Variants in SHANK2 observed in about 807,000 individuals in gnomAD.
The protein encoded by SHANK2 is SH3 and multiple ankyrin repeat domains protein 2.
Under a neutral mutation model 133.7 loss-of-function variants are expected in SHANK2, and 43 were observed. The ratio of observed to expected loss-of-function variants is 0.32; its 90% confidence interval spans 0.25 to 0.41. The LOEUF (loss-of-function observed/expected upper bound fraction) is 0.41. Among genes scored for constraint, SHANK2 ranks in the 10% least tolerant of loss-of-function variants. The pLI is 1.00. For missense variants in SHANK2, 1,994 were observed against 2,235.8 expected (o/e 0.89, Z 2.18); for synonymous variants, 1,017 against 952.8 (o/e 1.07, Z -1.24).
chr11:70,702,082 GCCATCATCATCA>G (rs1398458350), intron 14 of SHANK2, among the ~76,000 whole-genome samples: 1 of 122,832 alleles, frequency 8.1e-6, no homozygotes, highest in African/African-American at 3.2e-5. Context: ...CATCATCACC[GCCATCATCATCA>G]CCATCTTCTT....
At chr11:70,683,139 G>A (rs1945063655) in intron 15 of SHANK2, among the ~76,000 whole-genome samples, 1 of 150,994 alleles carries the variant, frequency 6.6e-6, no homozygotes, top group African/African-American at 2.4e-5. Context: ...CTTTTTTACT[G>A]AAATTTTTTA....
intron 11 of SHANK2, among the ~76,000 whole-genome samples, chr11:70,845,522 A>G (rs913108131): frequency 2.0e-5 from 3 of 152,066 alleles, no homozygotes; most frequent in African/African-American, 7.2e-5. Context: ...GCACGGGGCC[A>G]TCTTAGGTGC....
chr11:70,790,533 G>A (rs1947765468), intron 14 of SHANK2, among the ~76,000 whole-genome samples: 1 of 152,186 alleles, frequency 6.6e-6, no homozygotes, highest in Admixed American at 6.5e-5. Flanking sequence ...GAGCAAAATT[G>A]AGGTTTCTTT....
At chr11:70,917,777 T>A (rs1950289849) in intron 10 of SHANK2, among the ~76,000 whole-genome samples, 1 of 152,212 alleles carries the variant, frequency 6.6e-6, no homozygotes, top group South Asian at 2.1e-4. Context: ...TACAGCATGT[T>A]CTCATTTATC....
At chr11:70,597,412 T>C (rs909259745) in intron 17 of SHANK2, among the ~76,000 whole-genome samples, 1 of 152,018 alleles carries the variant, frequency 6.6e-6, no homozygotes, top group East Asian at 1.9e-4. Flanking sequence ...GATTTGGGGC[T>C]CACAGGGAAA....
chr11:70,585,260 A>G (rs1554986444), intron 17 of SHANK2, among the ~76,000 whole-genome samples: 1 of 152,250 alleles, frequency 6.6e-6, no homozygotes, highest in East Asian at 1.9e-4. Context: ...TGCAAAGGGC[A>G]CTGCCAATGG....
At chr11:70,611,036 G>A (rs2060650702) in intron 17 of SHANK2, among the ~76,000 whole-genome samples, 1 of 152,216 alleles carries the variant, frequency 6.6e-6, no homozygotes, top group South Asian at 2.1e-4. Context: ...GAAAAAGGCT[G>A]AACCTAGAGC....
At chr11:70,792,712 T>G (rs907129685) in intron 14 of SHANK2, among the ~76,000 whole-genome samples, 1 of 152,290 alleles carries the variant, frequency 6.6e-6, no homozygotes, top group East Asian at 1.9e-4. Flanking sequence ...GCTTGGTGGA[T>G]GGGAACATCT....
rs966797300 is a variant in SHANK2, at chr11:70,468,696, A to C, written c.*4173T>G. The C allele has an allele frequency of 1.3e-5, 2 of 152,212 alleles. No individual in the cohort carries two copies. The highest frequency in any genetic ancestry group is 2.9e-5 in the Non-Finnish European group (2 of 68,042). 9.4% of individuals were successfully genotyped at this position (152,212 alleles called of 1,614,324 possible). Reference sequence around the variant, plus strand: ...TTTGGGAGAAACTATTGGATGGTGAAGCGGGAGAGCTTGAGGGTGAACTAC... The same window carrying C: ...TTTGGGAGAAACTATTGGATGGTGACGCGGGAGAGCTTGAGGGTGAACTAC... On this transcript the variant is annotated 3_prime_UTR_variant, in exon 26 of 26. Transcript: ENST00000601538.
intron 11 of SHANK2, among the ~76,000 whole-genome samples, chr11:70,824,332 G>A (rs1325925430): frequency 2.6e-5 from 4 of 152,234 alleles, no homozygotes; most frequent in African/African-American, 9.6e-5. Context: ...GAACCTGGAG[G>A]TGGTACATTG....
intron 15 of SHANK2, chr11:70,662,061 C>T: frequency 2.0e-6 from 1 of 495,794 alleles, no homozygotes; most frequent in Non-Finnish European, 3.7e-6. Context: ...CAGCGGCGGC[C>T]TCAGCAGCGG....
intron 10 of SHANK2, among the ~76,000 whole-genome samples, chr11:70,914,347 G>C (rs10899666): frequency 0.65 from 98,876 of 151,638 alleles, 35,932 homozygotes; most frequent in Non-Finnish European, 0.79. Context: ...GCAATACCCA[G>C]GCTTTTCTGG....
intron 17 of SHANK2, among the ~76,000 whole-genome samples, chr11:70,654,772 GT>G (rs576038066): frequency 4.8e-4 from 57 of 119,644 alleles, no homozygotes; most frequent in Middle Eastern, 4.2e-3. Context: ...TGTTTTTTTT[GT>G]TTTTTTTTTT....
intron 2 of SHANK2, among the ~76,000 whole-genome samples, chr11:71,218,869 G>C (rs868987894): frequency 6.6e-6 from 1 of 152,218 alleles, no homozygotes; most frequent in Non-Finnish European, 1.5e-5. Context: ...CACTGCTGGA[G>C]ACTGTGCCTG....
chr11:71,171,644 A>G (rs1019027982), intron 2 of SHANK2, among the ~76,000 whole-genome samples: 1 of 152,042 alleles, frequency 6.6e-6, no homozygotes, highest in African/African-American at 2.4e-5. Flanking sequence ...GCCCACCCAT[A>G]CCCAGGGCAG....
intron 14 of SHANK2, among the ~76,000 whole-genome samples, chr11:70,714,365 CA>C (rs142879074): frequency 0.022 from 3,284 of 152,286 alleles, 118 homozygotes; most frequent in African/African-American, 0.076. Flanking sequence ...TGTGTTTAGG[CA>C]ACGGTTTCTG....
At chr11:71,106,660 C>T (rs1951806020) in intron 6 of SHANK2, among the ~76,000 whole-genome samples, 1 of 152,172 alleles carries the variant, frequency 6.6e-6, no homozygotes, top group African/African-American at 2.4e-5. Context: ...ATCCAGAATT[C>T]CAGCGGCAGA....
intron 17 of SHANK2, among the ~76,000 whole-genome samples, chr11:70,606,891 T>C (rs1387333497): frequency 2.6e-5 from 4 of 152,212 alleles, no homozygotes; most frequent in African/African-American, 9.6e-5. Context: ...CATCCTTCAG[T>C]GCAAAGCCCT....
rs1473812862 is a variant in SHANK2 at position 71,235,294 on chromosome 11, T to C, written c.-112-10498A>G. Among the ~76,000 whole-genome samples, 7 of 152,080 alleles carry C rather than the reference T, an allele frequency of 4.6e-5. No homozygotes were observed. In the East Asian group the frequency reaches 9.7e-4, roughly 21 times the overall value. ...CCGGAAGGTACCGGAGATTAAGCTC[T>C]ATAAAAACTCTTGCACAGGACGGGC... On this transcript the variant is annotated intron_variant, in intron 1 of 25. Transcript: ENST00000601538.
Sources: gnomAD v4.1 joint callset for allele counts (sites outside exome capture counted in the v4.1 genomes callset) on GRCh38, gnomAD v4.1.1 for gene constraint, MANE v1.5 for transcripts, NCBI Gene and HGNC (gene_info 2026-07-23, HGNC 2026-07-21) for gene names.